Variants in BAHCC1 observed in about 807,000 individuals in gnomAD.
BAHCC1 encodes BAH domain and coiled-coil containing 1.
BAHCC1 carries 43 observed loss-of-function variants against 88.2 expected under a neutral mutation model. The observed-to-expected ratio is 0.49, with a 90% CI of 0.38 to 0.63. BAHCC1 has a LOEUF of 0.63. Ranked by LOEUF, BAHCC1 falls within the 20% of genes least tolerant of loss-of-function variation. BAHCC1 has a pLI of 0.00. For synonymous variants in BAHCC1, 1,510 were observed against 745.5 expected (o/e 2.03, Z -16.71); for missense variants, 3,023 against 1,654.8 (o/e 1.83, Z -14.34).
Position 81,411,233 on chromosome 17 carries a change from C to T in BAHCC1, c.178+11316C>T. ...CATGCCCAGTGGGGCCCCAGGAGGACTCGCCACCCCCAGTTGAGCAGCTCC... is the reference window on the plus strand; with the variant it reads ...CATGCCCAGTGGGGCCCCAGGAGGATTCGCCACCCCCAGTTGAGCAGCTCC... On this transcript the variant is annotated intron_variant, in intron 2 of 27. Transcript: ENST00000675386. The surrounding 1 kb of genome is among the most constrained non-coding windows in gnomAD (Gnocchi z 6.2). The T allele has an allele frequency of 5.9e-6, 3 of 511,892 alleles. No individual in the cohort carries two copies. The highest frequency in any genetic ancestry group is 7.8e-6 in the Non-Finnish European group (2 of 257,394). The allele number at this position is 511,892 out of a possible 1,614,324, so 31.7% of individuals were successfully genotyped here. A position where few individuals can be genotyped will look rare whatever the true frequency, so the allele number is the denominator to read the frequency against.
intron 2 of BAHCC1, among the ~76,000 whole-genome samples, chr17:81,425,616 G>C (rs1224394933): frequency 1.0e-3 from 152 of 148,604 alleles, no homozygotes; most frequent in African/African-American, 3.6e-3. Context: ...GGGGGTGATA[G>C]TGGTGGGTGA....
In BAHCC1 at chr17:81,438,402, G is replaced by T. The variant is rs1555652034; in HGVS notation, c.391G>T (p.Ala131Ser). The change falls in exon 4 of 28, where the codon GCA becomes TCA. Residue 131 changes from alanine (A) to serine (S), a missense_variant. Ala to Ser is a moderately conservative substitution (Grantham distance 99). Coordinates refer to ENST00000675386, the MANE Select transcript of BAHCC1 (RefSeq NM_001377448.1). ...GTACCCCAGATTTTCGGGGAGTCTG[G>T]CATCCACCTTCCTACCCGTGAGCCA... ...PGYPRFSGSL[A>S]STFLPVSHLD... 4 of 778,594 alleles carry T rather than the reference G, an allele frequency of 5.1e-6. No homozygotes were observed. In the African/African-American group the frequency reaches 6.8e-5, roughly 13 times the overall value. 48.2% of individuals were successfully genotyped at this position (778,594 alleles called of 1,614,324 possible).
chr17:81,417,082 G>A (rs905833412), intron 2 of BAHCC1, among the ~76,000 whole-genome samples: 1 of 152,276 alleles, frequency 6.6e-6, no homozygotes, highest in African/African-American at 2.4e-5. Flanking sequence ...GAGGGCAGGT[G>A]GGTGTCCACG....
intron 3 of BAHCC1, among the ~76,000 whole-genome samples, chr17:81,432,989 A>G (rs1017941993): frequency 7.1e-6 from 1 of 141,782 alleles, no homozygotes; most frequent in Non-Finnish European, 1.5e-5. Context: ...CACTGCGTTC[A>G]TTCTGGAGGC....
At chr17:81,450,593 C>A (rs868974474) in intron 11 of BAHCC1, among the ~76,000 whole-genome samples, 1 of 152,226 alleles carries the variant, frequency 6.6e-6, no homozygotes, top group African/African-American at 2.4e-5. Context: ...TCCTGCCTGC[C>A]CCAGGGCTGG....
In BAHCC1 at chr17:81,460,946, T is replaced by C. The variant is rs1555659046; in HGVS notation, c.6283T>C (p.Leu2095=). The C allele has an allele frequency of 1.3e-6, 1 of 771,206 alleles. No homozygotes were observed. The highest frequency in any genetic ancestry group is 2.4e-6 in the Non-Finnish European group (1 of 417,838). The allele number at this position is 771,206 out of a possible 1,614,324, so 47.8% of individuals were successfully genotyped here. A position where few individuals can be genotyped will look rare whatever the true frequency, so the allele number is the denominator to read the frequency against. Reference sequence around the variant, plus strand: ...CTTCCTGGGCCGCCGTGGCAGCCCCTTGCTGAGCTGGTCCGCGGTGGCGCA... The same window carrying C: ...CTTCCTGGGCCGCCGTGGCAGCCCCCTGCTGAGCTGGTCCGCGGTGGCGCA... The part of the protein sequence containing the change: ...DHFLGRRGSP[L]LSWSAVAQTK... Residue 2095 remains leucine, a synonymous_variant, in exon 26 of 28, where the codon TTG becomes CTG. Transcript: ENST00000675386.
chr17:81,443,940 TG>T, intron 6 of BAHCC1, 23 bp downstream of exon 6: 1 of 706,732 alleles, frequency 1.4e-6, no homozygotes, highest in Non-Finnish European at 2.6e-6. Flanking sequence ...CCTGTGGCCC[TG>T]GAGAGTGGGG....
chr17:81,437,726 G>A (rs1275450074), intron 3 of BAHCC1, among the ~76,000 whole-genome samples: 1 of 152,226 alleles, frequency 6.6e-6, no homozygotes, highest in Non-Finnish European at 1.5e-5. Flanking sequence ...TGTCTGGCAT[G>A]ACTCGGAGTC....
rs782158807 is a variant in BAHCC1 at position 81,462,763 on chromosome 17, C to T, written c.7407C>T (p.Ala2469=). Residue 2469 remains alanine, a synonymous_variant, in exon 27 of 28, where the codon GCC becomes GCT. Coordinates refer to ENST00000675386, the MANE Select transcript of BAHCC1 (RefSeq NM_001377448.1). The part of the protein sequence containing the change: ...PTQRRGMKGK[A]RKLFYKAIVR... ...AGCGGCGTGGCATGAAGGGGAAGGCCCGGAAGCTGTTCTACAAGGCCATCG... is the reference window on the plus strand; with the variant it reads ...AGCGGCGTGGCATGAAGGGGAAGGCTCGGAAGCTGTTCTACAAGGCCATCG... 1.3e-6 allele frequency: 1 copy of T among 770,818 alleles called. No homozygotes were observed. The highest frequency in any genetic ancestry group is 2.4e-6 in the Non-Finnish European group (1 of 411,890). The allele number at this position is 770,818 out of a possible 1,614,324, so 47.7% of individuals were successfully genotyped here.
chr17:81,404,164 C>A (rs1827238105), intron 2 of BAHCC1, among the ~76,000 whole-genome samples: 1 of 152,160 alleles, frequency 6.6e-6, no homozygotes, highest in Admixed American at 6.5e-5. Flanking sequence ...GTTAGAATAA[C>A]ATGGATGAGG....
At chr17:81,406,852 C>T (rs1485241186) in intron 2 of BAHCC1, 22 of 455,904 alleles carry the variant, frequency 4.8e-5, no homozygotes, top group Admixed American at 4.2e-4. Flanking sequence ...GGTGGGGAGG[C>T]GTCCAGCGCC....
intron 2 of BAHCC1, among the ~76,000 whole-genome samples, chr17:81,404,354 T>G (rs1392642446): frequency 6.6e-6 from 1 of 152,176 alleles, no homozygotes; most frequent in Admixed American, 6.5e-5. Context: ...AAATAATAAT[T>G]TACTAGCCAC....
chr17:81,423,049 C>T (rs958397382), intron 2 of BAHCC1, among the ~76,000 whole-genome samples: 5 of 152,270 alleles, frequency 3.3e-5, no homozygotes, highest in African/African-American at 7.2e-5. Context: ...CCTTGTGGTC[C>T]GGGAAGCCCC....
In BAHCC1 at chr17:81,399,193, A is replaced by G. The variant is rs1598443809; in HGVS notation, c.-206-341A>G. 1 of 419,490 alleles carries G rather than the reference A, an allele frequency of 2.4e-6. No individual in the cohort carries two copies. Among genetic ancestry groups the G allele is most frequent in the Non-Finnish European group, 4.8e-6 (1 of 209,140 alleles). The allele number at this position is 419,490 out of a possible 1,614,324, so 26.0% of individuals were successfully genotyped here. A position where few individuals can be genotyped will look rare whatever the true frequency, so the allele number is the denominator to read the frequency against. On this transcript the variant is annotated intron_variant, in intron 1 of 27. Transcript: ENST00000675386. This position sits in a 1 kb window ranked among gnomAD's most constrained non-coding sequence, Gnocchi z 4.5. The stretch of plus-strand genomic sequence containing the variant: ...GGCTTCGCAGATTTGGGTTTTTATC[A>G]CCCAGCAGAGCCAGCAGCCTCTTCG...
chr17:81,416,507 G>A (rs1455617091), intron 2 of BAHCC1, among the ~76,000 whole-genome samples: 5 of 147,038 alleles, frequency 3.4e-5, no homozygotes, highest in Admixed American at 6.7e-5. Context: ...GTGCATGTGT[G>A]CGTGTGTGTC....
In BAHCC1 at chr17:81,444,705, C is replaced by G. The variant is rs200357732; in HGVS notation, c.2550C>G (p.Pro850=). The change falls in exon 8 of 28, where the codon CCC becomes CCG. Residue 850 remains proline, a synonymous_variant. Transcript: ENST00000675386. ...GHPALHQNLP[P]GFPASVAGPV... ...CTGCCCTGCACCAGAACCTGCCCCC[C>G]GGCTTCCCCGCCTCCGTGGCTGGCC... 75 of 776,858 alleles carry G rather than the reference C, an allele frequency of 9.7e-5. No homozygotes were observed. The highest frequency in any genetic ancestry group is 3.0e-4 in the South Asian group (22 of 74,568). The allele number at this position is 776,858 out of a possible 1,614,324, so 48.1% of individuals were successfully genotyped here. A position where few individuals can be genotyped will look rare whatever the true frequency, so the allele number is the denominator to read the frequency against.
At chr17:81,444,124 G>A in intron 6 of BAHCC1, 3 of 603,210 alleles carry the variant, frequency 5.0e-6, no homozygotes, top group East Asian at 5.5e-5. Context: ...CAGCGGTCAG[G>A]TTACCCACTT....
chr17:81,454,634 G>T (rs1555656761), intron 14 of BAHCC1, among the ~76,000 whole-genome samples: 1 of 151,448 alleles, frequency 6.6e-6, no homozygotes, highest in African/African-American at 2.4e-5. Context: ...TGTGGGTGCA[G>T]TTCTCACAAA....
Position 81,435,495 on chromosome 17 carries a change from C to G in BAHCC1, c.359-2875C>G, listed in dbSNP as rs1555651591. On this transcript the variant is annotated intron_variant, in intron 3 of 27. Transcript: ENST00000675386. This position sits in a 1 kb window ranked among gnomAD's most constrained non-coding sequence, Gnocchi z 4.4. ...ACCACCTCTCTGGCGGTTCGCTTAG[C>G]CCAGGGCTTGCCCTTGTCTGTTGGG... The G allele has an allele frequency of 2.1e-6, 1 of 471,004 alleles. No individual in the cohort carries two copies. Among genetic ancestry groups the G allele is most frequent in the African/African-American group, 2.0e-5 (1 of 50,194 alleles). 29.2% of individuals were successfully genotyped at this position (471,004 alleles called of 1,614,324 possible).
Sources: allele counts gnomAD v4.1 joint callset (sites outside exome capture counted in the v4.1 genomes callset), GRCh38; gene constraint gnomAD v4.1.1; non-coding constraint Gnocchi (gnomAD v3.1); transcripts MANE v1.5; gene names NCBI Gene and HGNC (gene_info 2026-07-23, HGNC 2026-07-21).